SLC14A2: variants seen among roughly 807,000 people sequenced by gnomAD.
The protein encoded by SLC14A2 is solute carrier family 14 member 2, also known as urea transporter 2.
A neutral mutation model predicts 104.6 loss-of-function variants in SLC14A2; 91 were observed. The ratio of observed to expected loss-of-function variants is 0.87; its 90% confidence interval spans 0.73 to 1.04. SLC14A2 has a LOEUF of 1.04. Among genes scored for constraint, SLC14A2 ranks in the 50% least tolerant of loss-of-function variants. The probability of loss-of-function intolerance (pLI) is 0.00; values close to 1 mark genes in which losing one functional copy is unlikely to be tolerated. For synonymous variants in SLC14A2, 476 were observed against 466.4 expected, an observed-to-expected ratio of 1.02 and a Z score of -0.27; for missense variants, 1,189 against 1,156.0, an observed-to-expected ratio of 1.03 and a Z score of -0.41.
intron 1 of SLC14A2, among the ~76,000 whole-genome samples, chr18:45,287,347 C>T (rs577636166): frequency 2.6e-5 from 4 of 152,338 alleles, no homozygotes; most frequent in African/African-American, 7.2e-5. Context: ...TTGTCACCCA[C>T]GTCAGCTCAG....
chr18:45,416,943 G>A (rs2086284057), intron 1 of SLC14A2, among the ~76,000 whole-genome samples: 1 of 152,206 alleles, frequency 6.6e-6, no homozygotes, highest in African/African-American at 2.4e-5. Flanking sequence ...TAAAGGATCA[G>A]CGAGGTCCCA....
At chr18:45,586,997 A>AT (rs1384444337) in intron 2 of SLC14A2, among the ~76,000 whole-genome samples, 2 of 151,940 alleles carry the variant, frequency 1.3e-5, no homozygotes, top group East Asian at 1.9e-4. Context: ...ATTTTAAATT[A>AT]TTTTTTTTGA....
intron 1 of SLC14A2, among the ~76,000 whole-genome samples, chr18:45,257,930 C>T (rs1326023389): frequency 1.3e-5 from 2 of 152,164 alleles, no homozygotes; most frequent in Non-Finnish European, 2.9e-5. Flanking sequence ...AACTAGTACG[C>T]ACAAGGACTA....
At chr18:45,554,050 C>A (rs944384757) in intron 2 of SLC14A2, among the ~76,000 whole-genome samples, 46 of 152,240 alleles carry the variant, frequency 3.0e-4, no homozygotes, top group Non-Finnish European at 1.5e-5. Flanking sequence ...CTTGAATAAT[C>A]ATGCCTGATT....
At chr18:45,500,587 AAAAAAAAAAG>A (rs2043182279) in intron 2 of SLC14A2, among the ~76,000 whole-genome samples, 1 of 143,622 alleles carries the variant, frequency 7.0e-6, no homozygotes, top group Non-Finnish European at 1.5e-5. Flanking sequence ...AAAAAAAAAA[AAAAAAAAAAG>A]AAATCCTGCC....
At chr18:45,519,594 C>T (rs955088764) in intron 2 of SLC14A2, among the ~76,000 whole-genome samples, 1 of 152,124 alleles carries the variant, frequency 6.6e-6, no homozygotes, top group East Asian at 1.9e-4. Flanking sequence ...AGGAAGATTC[C>T]CTGCCAGAGA....
chr18:45,262,086 T>A (rs891220491), intron 1 of SLC14A2, among the ~76,000 whole-genome samples: 2 of 152,220 alleles, frequency 1.3e-5, no homozygotes, highest in African/African-American at 4.8e-5. Context: ...CCTGACTTTT[T>A]AATGATTGCC....
chr18:45,446,142 G>A (rs1356010334), intron 1 of SLC14A2, among the ~76,000 whole-genome samples: 2 of 152,144 alleles, frequency 1.3e-5, no homozygotes, highest in Admixed American at 6.5e-5. Context: ...TGGCACACAG[G>A]GTTCACGCTC....
At chr18:45,577,316 G>A (rs551711054) in intron 2 of SLC14A2, among the ~76,000 whole-genome samples, 1 of 150,158 alleles carries the variant, frequency 6.7e-6, no homozygotes. Flanking sequence ...GATAGCTCCA[G>A]GAAGGAGCTA....
chr18:45,663,255 C>T (rs896283552), intron 10 of SLC14A2, among the ~76,000 whole-genome samples: 1 of 152,228 alleles, frequency 6.6e-6, no homozygotes, highest in Non-Finnish European at 1.5e-5. Context: ...ACCACAGGGA[C>T]CACACGTTGA....
At chr18:45,536,847 G>A (rs1306468032) in intron 2 of SLC14A2, among the ~76,000 whole-genome samples, 2 of 152,168 alleles carry the variant, frequency 1.3e-5, no homozygotes, top group African/African-American at 4.8e-5. Context: ...ATCAATCAAA[G>A]ACATTCCCTG....
intron 1 of SLC14A2, among the ~76,000 whole-genome samples, chr18:45,391,957 T>C (rs1450807736): frequency 6.6e-6 from 1 of 152,248 alleles, no homozygotes; most frequent in Non-Finnish European, 1.5e-5. Context: ...AATTCTGGCT[T>C]TTGTTGCCAT....
chr18:45,645,619 A>ATATATACATATATATATATATATT lies in SLC14A2; in HGVS notation c.1351+1463_1351+1464insTACATATATATATATATATTTATA. 4.6e-3 allele frequency among the ~76,000 whole-genome samples: 536 copies of ATATATACATATATATATATATATT among 116,998 alleles called. 36 individuals carry two copies. The highest frequency in any genetic ancestry group is 0.018 in the African/African-American group (505 of 27,978). The allele number at this position is 116,998 out of a possible 152,430, so 76.8% of individuals were successfully genotyped here. On this transcript the variant is annotated intron_variant, in intron 10 of 19. Transcript: ENST00000255226. ...TTTCATTTGGTCTTTTTAAATATAT[A>ATATATACATATATATATATATATT]TATACATATACAAAGATATATATAG...
At chr18:45,242,298 C>T (rs1288914691) in intron 1 of SLC14A2, among the ~76,000 whole-genome samples, 3 of 152,118 alleles carry the variant, frequency 2.0e-5, no homozygotes, top group Non-Finnish European at 2.9e-5. Context: ...GCTACATTTT[C>T]ATGTAACTTA....
intron 1 of SLC14A2, among the ~76,000 whole-genome samples, chr18:45,464,158 G>A (rs530542152): frequency 2.6e-5 from 4 of 152,334 alleles, no homozygotes; most frequent in South Asian, 4.1e-4. Flanking sequence ...AAGTAGTGGG[G>A]TGAAGAGTAA....
At position 45,626,950 on chromosome 18, in the gene SLC14A2, T is replaced by G; in HGVS notation, c.332-8T>G. On this transcript the variant is annotated splice_region_variant and splice_polypyrimidine_tract_variant and intron_variant, in intron 3 of 19. Coordinates refer to ENST00000255226, the MANE Select transcript of SLC14A2 (RefSeq NM_007163.4). Reference sequence around the variant, plus strand: ...ACCTGCTGATGGCTCGCTCTCTGTCTCTTTCAGACAAGCACCTTGCCCTCC... The same window carrying G: ...ACCTGCTGATGGCTCGCTCTCTGTCGCTTTCAGACAAGCACCTTGCCCTCC... The G allele has an allele frequency of 1.2e-6, 2 of 1,606,076 alleles. No individual in the cohort carries two copies. Among genetic ancestry groups the G allele is most frequent in the Non-Finnish European group, 1.7e-6 (2 of 1,175,210 alleles).
chr18:45,260,045 G>A (rs989941947), intron 1 of SLC14A2, among the ~76,000 whole-genome samples: 1 of 152,100 alleles, frequency 6.6e-6, no homozygotes, highest in Non-Finnish European at 1.5e-5. Flanking sequence ...CAGAGTTCAG[G>A]GAAGACCAGT....
At position 45,609,785 on chromosome 18, in the gene SLC14A2, C is replaced by A. The variant is rs79927425; in HGVS notation, c.-34-14846C>A. Among the ~76,000 whole-genome samples, 204 of 152,264 alleles carry A rather than the reference C, an allele frequency of 1.3e-3. 3 individuals carry two copies. Among genetic ancestry groups the A allele is most frequent in the African/African-American group, 3.8e-3 (157 of 41,546 alleles). On this transcript the variant is annotated intron_variant, in intron 2 of 20. Transcript: ENST00000586448. ...ACACTTTTATTTCTGAAATTGTGTACCACCTATAACTAGATTCCTCAGGAG... is the reference window on the plus strand; with the variant it reads ...ACACTTTTATTTCTGAAATTGTGTAACACCTATAACTAGATTCCTCAGGAG...
chr18:45,673,941 C>T (rs2046184900), intron 18 of SLC14A2, 124 bp downstream of exon 18: 1 of 988,966 alleles, frequency 1.0e-6, no homozygotes, highest in Non-Finnish European at 1.5e-6. Flanking sequence ...ACTGAATACT[C>T]AACGTTCAGT....
Sources: gnomAD v4.1 joint callset for allele counts (sites outside exome capture counted in the v4.1 genomes callset) on GRCh38, gnomAD v4.1.1 for gene constraint, MANE v1.5 for transcripts, NCBI Gene and HGNC (gene_info 2026-07-23, HGNC 2026-07-21) for gene names.